Variants in BEND6 observed in about 807,000 individuals in gnomAD.
BEND6 encodes BEN domain containing 6.
BEND6 carries 24 observed loss-of-function variants against 31.8 expected under a neutral mutation model. The observed-to-expected ratio is 0.75, with a 90% CI of 0.55 to 1.06. BEND6 has a LOEUF of 1.06. Among genes scored for constraint, BEND6 ranks in the 50% least tolerant of loss-of-function variants. BEND6 has a pLI of 0.00. For missense variants in BEND6, 294 were observed against 327.4 expected, an observed-to-expected ratio of 0.90 and a Z score of 0.79; for synonymous variants, 109 against 114.6, an observed-to-expected ratio of 0.95 and a Z score of 0.31.
At chr6:57,014,623 G>A in intron 3 of BEND6, 1 of 889,764 alleles carries the variant, frequency 1.1e-6, no homozygotes, top group Non-Finnish European at 1.6e-6. Flanking sequence ...TTGTGGCAGT[G>A]CATTTTTAAT....
intron 3 of BEND6, among the ~76,000 whole-genome samples, chr6:56,994,783 A>G (rs574393375): frequency 5.9e-5 from 9 of 152,336 alleles, no homozygotes; most frequent in Non-Finnish European, 1.3e-4. Context: ...GCTAAATTTC[A>G]TTATAAATAT....
At chr6:56,982,117 C>A (rs1826093248) in intron 2 of BEND6, among the ~76,000 whole-genome samples, 187 bp downstream of exon 2, 2 of 152,028 alleles carry the variant, frequency 1.3e-5, no homozygotes. Flanking sequence ...GACAGGGTCT[C>A]CCTGTGTTGC....
chr6:57,007,060 T>A (rs1168087657), intron 3 of BEND6, among the ~76,000 whole-genome samples: 1 of 151,894 alleles, frequency 6.6e-6, no homozygotes, highest in East Asian at 1.9e-4. Context: ...GGGGCCGAGG[T>A]GGGAAAATCA....
chr6:56,956,639 C>T (rs1401626516), intron 1 of BEND6, among the ~76,000 whole-genome samples: 1 of 152,166 alleles, frequency 6.6e-6, no homozygotes, highest in Non-Finnish European at 1.5e-5. Context: ...CTTGGAGACA[C>T]TGCATAAGGT....
intron 3 of BEND6, among the ~76,000 whole-genome samples, chr6:57,007,666 A>G (rs528347914): frequency 1.3e-5 from 2 of 152,206 alleles, no homozygotes; most frequent in African/African-American, 4.8e-5. Flanking sequence ...ATGGTGTCTT[A>G]TGCCTGTAAT....
chr6:57,003,342 A>G (rs979454577), intron 3 of BEND6, among the ~76,000 whole-genome samples: 16 of 152,168 alleles, frequency 1.1e-4, no homozygotes, highest in African/African-American at 3.4e-4. Context: ...TCTATTAAAA[A>G]TAAAAAGAAT....
intron 3 of BEND6, among the ~76,000 whole-genome samples, chr6:57,001,105 C>T (rs994844974): frequency 1.3e-5 from 2 of 151,126 alleles, no homozygotes; most frequent in Admixed American, 6.6e-5. Context: ...ATGAACATCA[C>T]CAAGACATAG....
intron 1 of BEND6, among the ~76,000 whole-genome samples, chr6:56,979,662 AC>A (rs1369047222): frequency 1.3e-5 from 2 of 152,228 alleles, no homozygotes. Context: ...AATTTGGCTT[AC>A]AAAAAGTTGT....
chr6:56,963,082 G>A (rs1018194691), intron 1 of BEND6, among the ~76,000 whole-genome samples: 2 of 152,132 alleles, frequency 1.3e-5, no homozygotes, highest in African/African-American at 4.8e-5. Context: ...CTAACAAGCG[G>A]CATCAAAATT....
chr6:56,956,176 T>C (rs1824914224), intron 1 of BEND6, among the ~76,000 whole-genome samples: 2 of 152,242 alleles, frequency 1.3e-5, no homozygotes, highest in South Asian at 4.1e-4. Flanking sequence ...ACTTTAATTA[T>C]AGTGACAAGG....
intron 1 of BEND6, among the ~76,000 whole-genome samples, chr6:56,975,002 C>G (rs539492810): frequency 7.2e-5 from 11 of 152,088 alleles, no homozygotes; most frequent in Non-Finnish European, 1.5e-4. Flanking sequence ...GCCTGTAATC[C>G]AAGCTACTTG....
intron 3 of BEND6, among the ~76,000 whole-genome samples, chr6:57,004,189 A>T (rs1827061385): frequency 6.6e-6 from 1 of 152,224 alleles, no homozygotes; most frequent in Non-Finnish European, 1.5e-5. Flanking sequence ...CAATGAAGCA[A>T]GAGAAAGAAA....
At chr6:57,008,127 AG>A (rs1827224319) in intron 3 of BEND6, 2 of 701,136 alleles carry the variant, frequency 2.9e-6, no homozygotes, top group Admixed American at 4.0e-5. Flanking sequence ...AGTACCTTCA[AG>A]GCCTGTCTAC....
chr6:57,018,287 A>T, intron 5 of BEND6, 134 bp from the exon 6 acceptor site: 1 of 876,752 alleles, frequency 1.1e-6, no homozygotes. Flanking sequence ...TAAATAGCTC[A>T]TGGGTGTTTG....
intron 6 of BEND6, among the ~76,000 whole-genome samples, chr6:57,024,385 A>G (rs187468111): frequency 5.9e-5 from 9 of 152,290 alleles, no homozygotes; most frequent in East Asian, 1.9e-4. Flanking sequence ...TAGATTTCTT[A>G]TGAGACTGTT....
chr6:56,965,804 A>G (rs773146550), intron 1 of BEND6, among the ~76,000 whole-genome samples: 12 of 151,456 alleles, frequency 7.9e-5, no homozygotes, highest in East Asian at 5.8e-4. Context: ...GAGTTGAATC[A>G]CTCCTGATTT....
chr6:57,001,871 G>C (rs1476578892), intron 3 of BEND6, among the ~76,000 whole-genome samples: 1 of 152,124 alleles, frequency 6.6e-6, no homozygotes. Context: ...TTTACAATAG[G>C]ATCAAAACTT....
rs35074783 is a variant in BEND6, at chr6:56,965,676, TTATATA to T, written c.-101+10238_-101+10243del. Among the ~76,000 whole-genome samples, 743 of 136,550 alleles carry T rather than the reference TTATATA, an allele frequency of 5.4e-3. 10 individuals are homozygous for T. The highest frequency in any genetic ancestry group is 0.015 in the African/African-American group (555 of 37,592). The allele number at this position is 136,550 out of a possible 152,430, so 89.6% of individuals were successfully genotyped here. ...GATCCTGTCACACACACAAAAAAAT[TTATATA>T]TATATATATATATATATATATGCGA... On this transcript the variant is annotated intron_variant, in intron 1 of 6. Transcript: ENST00000370746.
chr6:56,957,074 A>G (rs986879646), intron 1 of BEND6, among the ~76,000 whole-genome samples: 9 of 152,200 alleles, frequency 5.9e-5, no homozygotes, highest in Non-Finnish European at 1.3e-4. Context: ...GACACACAGA[A>G]TAGTATTCAA....
Sources: gnomAD v4.1 joint callset for allele counts (sites outside exome capture counted in the v4.1 genomes callset) on GRCh38, gnomAD v4.1.1 for gene constraint, MANE v1.5 for transcripts, NCBI Gene and HGNC (gene_info 2026-07-23, HGNC 2026-07-21) for gene names.